Variants in PABPC4 observed in about 807,000 individuals in gnomAD.
PABPC4 encodes poly(A) binding protein cytoplasmic 4, also known as polyadenylate-binding protein 4.
A neutral mutation model predicts 74.5 loss-of-function variants in PABPC4; 15 were observed. The ratio of observed to expected loss-of-function variants is 0.20; its 90% CI spans 0.13 to 0.31. The LOEUF is 0.31. Among genes scored for constraint, PABPC4 ranks in the 10% least tolerant of loss-of-function variants. The probability of loss-of-function intolerance (pLI) is 1.00; values close to 1 mark genes in which losing one functional copy is unlikely to be tolerated. For synonymous variants in PABPC4, 345 were observed against 303.0 expected, an observed-to-expected ratio of 1.14 and a Z score of -1.44; for missense variants, 610 against 853.5, an observed-to-expected ratio of 0.71 and a Z score of 3.55.
At chr1:39,561,895 G>A in intron 14 of PABPC4, 108 bp from the exon 15 acceptor site, 1 of 1,176,512 alleles carries the variant, frequency 8.5e-7, no homozygotes, top group Non-Finnish European at 1.2e-6. Flanking sequence ...TGATCCCTAG[G>A]CTTCTGGTGC....
intron 2 of PABPC4, 129 bp from the exon 3 acceptor site, chr1:39,571,478 A>C (rs1431225188): frequency 1.3e-5 from 13 of 1,025,330 alleles, no homozygotes; most frequent in Non-Finnish European, 1.7e-5. Flanking sequence ...ACACCAGTAT[A>C]ATTTTTCTAA....
chr1:39,563,884 C>A lies in PABPC4; in HGVS notation c.1492G>T (p.Gly498Trp), dbSNP rs777242194. The change falls in exon 11 of 16, where the codon GGG (glycine) becomes TGG (tryptophan). Residue 498 changes from glycine (G) to tryptophan (W), a missense_variant. Coordinates refer to ENST00000372858, the MANE Select transcript of PABPC4 (RefSeq NM_001135653.2). ...AGCCCTTGCTGGGCGGCACCAGCCC[C>A]ACCAAAGTCCATAGCCAAGCGGTCC... ...CPDRLAMDFG[G>W]AGAAQQGLTD... The A allele has an allele frequency of 6.2e-7, 1 of 1,614,236 alleles. No homozygotes were observed. The highest frequency in any genetic ancestry group is 1.7e-5 in the Admixed American group (1 of 60,030).
At position 39,565,382 on chromosome 1, in the gene PABPC4, C is replaced by CA; in HGVS notation, c.973-5dup. 6.2e-7 allele frequency: 1 copy of CA among 1,606,084 alleles called. No homozygotes were observed. The highest frequency in any genetic ancestry group is 8.5e-7 in the Non-Finnish European group (1 of 1,174,890). On this transcript the variant is annotated splice_region_variant and splice_polypyrimidine_tract_variant and intron_variant, in intron 7 of 15. Coordinates refer to ENST00000372858, the MANE Select transcript of PABPC4 (RefSeq NM_001135653.2). ...TTCTTCCATCCTCCAGCATTACCTA[C>CA]AAAATGAGACCAGCTACTTAAGAAA...
At chr1:39,575,459 C>T (rs1193332538) in intron 1 of PABPC4, among the ~76,000 whole-genome samples, 1 of 152,232 alleles carries the variant, frequency 6.6e-6, no homozygotes, top group Non-Finnish European at 1.5e-5. Context: ...AAGGACCACA[C>T]GCAGTGGAAT....
intron 15 of PABPC4, chr1:39,561,356 C>T (rs781782607): frequency 2.8e-6 from 1 of 351,078 alleles, no homozygotes; most frequent in Non-Finnish European, 5.5e-6. Flanking sequence ...AGGGTCATGA[C>T]TATGCCAAGT....
At chr1:39,561,879 T>A in intron 14 of PABPC4, 92 bp from the exon 15 acceptor site, 1 of 1,246,468 alleles carries the variant, frequency 8.0e-7, no homozygotes. Flanking sequence ...AAGCCAACTG[T>A]ACAGATGATC....
In PABPC4 at chr1:39,560,858, G is replaced by C. The variant is rs1457105153; in HGVS notation, c.*278C>G. 1.5e-5 allele frequency: 3 copies of C among 204,512 alleles called. No individual in the cohort carries two copies. In the East Asian group the frequency reaches 3.3e-4, roughly 22 times the overall value. 12.7% of individuals were successfully genotyped at this position (204,512 alleles called of 1,614,324 possible). On this transcript the variant is annotated 3_prime_UTR_variant, in exon 16 of 16. Transcript: ENST00000372858. Reference sequence around the variant, plus strand: ...TTCTTTATTGGGAAACGTAAGACTTGGGTACATCAAATAAAACCAATTTCT... The same window carrying C: ...TTCTTTATTGGGAAACGTAAGACTTCGGTACATCAAATAAAACCAATTTCT...
intron 2 of PABPC4, among the ~76,000 whole-genome samples, chr1:39,571,978 G>T (rs568370796): frequency 3.5e-4 from 54 of 152,316 alleles, no homozygotes; most frequent in African/African-American, 1.3e-3. Flanking sequence ...AGTGTAGTAT[G>T]GCATTAAACA....
At chr1:39,575,291 G>C (rs1210925063) in intron 1 of PABPC4, among the ~76,000 whole-genome samples, 4 of 152,172 alleles carry the variant, frequency 2.6e-5, no homozygotes, top group Non-Finnish European at 1.5e-5. Context: ...TCCTTTATCA[G>C]CACAACATCA....
At chr1:39,569,222 C>A (rs775666487) in intron 5 of PABPC4, among the ~76,000 whole-genome samples, 2 of 152,176 alleles carry the variant, frequency 1.3e-5, no homozygotes. Context: ...GTAAATTCTG[C>A]AGGTGCTTTT....
chr1:39,565,080 G>A (rs375737816), intron 8 of PABPC4, 26 bp downstream of exon 8: 6 of 1,610,450 alleles, frequency 3.7e-6, no homozygotes, highest in Non-Finnish European at 5.1e-6. Context: ...AGGTTCCCAA[G>A]AGCTGTGACC....
chr1:39,566,773 C>T (rs1645850118), intron 7 of PABPC4, among the ~76,000 whole-genome samples: 1 of 152,062 alleles, frequency 6.6e-6, no homozygotes, highest in Non-Finnish European at 1.5e-5. Flanking sequence ...GACTACTAGG[C>T]AGATAAGCAA....
Position 39,569,653 on chromosome 1 carries a change from T to C in PABPC4, c.680A>G (p.Asn227Ser), listed in dbSNP as rs754457827. Residue 227 changes from asparagine to serine, a missense_variant, in exon 5 of 16, where the codon AAT becomes AGT. By Grantham distance (46) the Asn-to-Ser change is conservative. Transcript: ENST00000372858. ...TLSVKVMRDP[N>S]GKSKGFGFVS... ...AAAGCCAAAGCCTTTGGATTTCCCA[T>C]TGGGATCTCTCATCACCTTGACACT... The C allele has an allele frequency of 1.8e-5, 29 of 1,614,042 alleles. No homozygotes were observed. The highest frequency in any genetic ancestry group is 2.7e-5 in the African/African-American group (2 of 74,922).
intron 10 of PABPC4, 199 bp from the exon 11 acceptor site, chr1:39,564,121 T>C (rs972721116): frequency 3.3e-6 from 2 of 615,018 alleles, no homozygotes; most frequent in Non-Finnish European, 5.7e-6. Flanking sequence ...ATACACTGTT[T>C]CCTTGTATTC....
chr1:39,566,787 T>C (rs147748833), intron 7 of PABPC4, among the ~76,000 whole-genome samples: 97 of 152,230 alleles, frequency 6.4e-4, no homozygotes, highest in African/African-American at 2.3e-3. Context: ...TAAGCAAGGA[T>C]AGAAGATCAC....
rs1645761469 is a variant in PABPC4, at chr1:39,560,994, G to T, written c.*142C>A. The T allele has an allele frequency of 5.3e-6, 2 of 379,584 alleles. No individual in the cohort carries two copies. Among genetic ancestry groups the T allele is most frequent in the Non-Finnish European group, 5.5e-6 (1 of 180,890 alleles). The allele number at this position is 379,584 out of a possible 1,614,324, so 23.5% of individuals were successfully genotyped here. On this transcript the variant is annotated 3_prime_UTR_variant, in exon 16 of 16. Transcript: ENST00000372858. ...GAAAAATTCTAGGTGCTTCATAATT[G>T]ACCTTTTGATACAAAATGACCTATT...
intron 1 of PABPC4, among the ~76,000 whole-genome samples, chr1:39,574,152 A>G (rs995014799): frequency 6.6e-6 from 1 of 151,608 alleles, no homozygotes; most frequent in Non-Finnish European, 1.5e-5. Context: ...AACTTTCCCC[A>G]CCCCCTTCAG....
chr1:39,563,918 A>G lies in PABPC4; in HGVS notation c.1458T>C (p.Ser486=). The change falls in exon 11 of 16, where the codon TCT becomes TCC. Residue 486 remains serine (S), a synonymous_variant. Transcript: ENST00000372858. ...GLPTTTQRVG[S]ECPDRLAMDF... Reference sequence around the variant, plus strand: ...CCATAGCCAAGCGGTCCGGGCACTCAGACCCTACAACAGACCAGCAAATGC... The same window carrying G: ...CCATAGCCAAGCGGTCCGGGCACTCGGACCCTACAACAGACCAGCAAATGC... The G allele has an allele frequency of 6.2e-7, 1 of 1,614,152 alleles. No homozygotes were observed. Among genetic ancestry groups the G allele is most frequent in the Non-Finnish European group, 8.5e-7 (1 of 1,180,014 alleles).
At chr1:39,567,495 A>G (rs751014423) in intron 7 of PABPC4, 3 of 608,606 alleles carry the variant, frequency 4.9e-6, no homozygotes, top group East Asian at 7.5e-5. Context: ...AAGGAATGGG[A>G]AAGATTCAGG....
Sources: gnomAD v4.1 joint callset for allele counts (sites outside exome capture counted in the v4.1 genomes callset) on GRCh38, gnomAD v4.1.1 for gene constraint, MANE v1.5 for transcripts, NCBI Gene and HGNC (gene_info 2026-07-23, HGNC 2026-07-21) for gene names.